Variants in GOLGA6L2 observed in about 807,000 individuals in gnomAD.
GOLGA6L2 encodes golgin A6 family like 2, also known as golgin subfamily A member 6-like protein 2.
GOLGA6L2 carries 30 observed loss-of-function variants against 35.9 expected under a neutral mutation model. That is an observed-to-expected ratio of 0.83 (90% CI 0.62 to 1.13). The LOEUF is 1.13. GOLGA6L2 is among the 50% of genes most tolerant of loss of function. The pLI, the probability that GOLGA6L2 is intolerant of heterozygous loss-of-function variation, is 0.00. For synonymous variants in GOLGA6L2, 297 were observed against 344.0 expected (o/e 0.86, Z 1.51); for missense variants, 821 against 973.4 (o/e 0.84, Z 2.08).
At position 23,441,421 on chromosome 15, in the gene GOLGA6L2, C is replaced by G; in HGVS notation, c.1054G>C (p.Glu352Gln). The G allele has an allele frequency of 7.0e-7, 1 of 1,425,812 alleles. No individual in the cohort carries two copies. Among genetic ancestry groups the G allele is most frequent in the African/African-American group, 1.5e-5 (1 of 68,892 alleles). 88.3% of individuals were successfully genotyped at this position (1,425,812 alleles called of 1,614,324 possible). ...TGCTCCCACATCTTCTCCTCCTGCT[C>G]CTGCATCTGCTCCTCCTGCTCCCGC... is the stretch of plus-strand genomic sequence containing the variant. ...KLREQEEQMQ[E>Q]QEEKMWEQEE... The change falls in exon 8 of 8, where the codon GAG becomes CAG. Residue 352 changes from glutamate (E) to glutamine (Q), a missense_variant. Transcript: ENST00000567107.
In GOLGA6L2 at chr15:23,439,588, G is replaced by A. The variant is rs2070623964; in HGVS notation, c.*157C>T. The A allele has an allele frequency of 6.5e-7, 1 of 1,535,572 alleles. No individual in the cohort carries two copies. The highest frequency in any genetic ancestry group is 1.2e-5 in the South Asian group (1 of 83,920). ...TCTTTCTCTTGTCTCCTCGGTAGAA[G>A]AATGGGATGCAGGAGGTACTGCCTA... is the stretch of plus-strand genomic sequence containing the variant. On this transcript the variant is annotated 3_prime_UTR_variant, in exon 8 of 8. Coordinates refer to ENST00000567107, the MANE Select transcript of GOLGA6L2 (RefSeq NM_001304388.2).
At chr15:23,442,726 AGGCT>A (rs1161639215) in intron 5 of GOLGA6L2, among the ~76,000 whole-genome samples, 1 of 150,900 alleles carries the variant, frequency 6.6e-6, no homozygotes, top group Non-Finnish European at 1.5e-5. Context: ...CTTGTTGCCC[AGGCT>A]GGAGTGCAAT....
intron 1 of GOLGA6L2, among the ~76,000 whole-genome samples, chr15:23,446,011 C>T (rs1886775896): frequency 6.6e-6 from 1 of 152,132 alleles, no homozygotes; most frequent in Non-Finnish European, 1.5e-5. Flanking sequence ...AAAGATGCCC[C>T]ATATGTATCC....
chr15:23,444,407 G>A (rs1886731032), intron 3 of GOLGA6L2, 64 bp downstream of exon 3: 1 of 1,550,214 alleles, frequency 6.5e-7, no homozygotes. Flanking sequence ...AGATGAGACG[G>A]GCCTCTACAT....
At chr15:23,445,706 T>C (rs184836481) in intron 1 of GOLGA6L2, among the ~76,000 whole-genome samples, 1 of 152,168 alleles carries the variant, frequency 6.6e-6, no homozygotes, top group Non-Finnish European at 1.5e-5. Context: ...GAGGCAGAGG[T>C]AGAAAAGTAA....
rs1441133574 is a variant in GOLGA6L2, at chr15:23,439,778, T to C, written c.2697A>G (p.Arg899=). 1 of 1,535,626 alleles carries C rather than the reference T, an allele frequency of 6.5e-7. No individual in the cohort carries two copies. The highest frequency in any genetic ancestry group is 1.2e-5 in the South Asian group (1 of 83,978). Residue 899 remains arginine, a synonymous_variant, in exon 8 of 8, where the codon AGA becomes AGG. Coordinates refer to ENST00000567107, the MANE Select transcript of GOLGA6L2 (RefSeq NM_001304388.2). ...EAARARGAVL[R]ALPPSLQSSL ...AACTTTGGAGGGAGGGAGGCAGGGC[T>C]CTGAGCACCGCTCCTCGTGCTCTGG...
In GOLGA6L2 at chr15:23,439,617, C is replaced by G; in HGVS notation, c.*128G>C. 7 of 1,536,196 alleles carry G rather than the reference C, an allele frequency of 4.6e-6. No individual in the cohort carries two copies. The highest frequency in any genetic ancestry group is 6.1e-6 in the Non-Finnish European group (7 of 1,146,840). Reference sequence around the variant, plus strand: ...GGGATGCAGGAGGTACTGCCTAATCCTGGGCACTGCTGGGCGTTCTTCATC... The same window carrying G: ...GGGATGCAGGAGGTACTGCCTAATCGTGGGCACTGCTGGGCGTTCTTCATC... On this transcript the variant is annotated 3_prime_UTR_variant, in exon 8 of 8. Coordinates refer to ENST00000567107, the MANE Select transcript of GOLGA6L2 (RefSeq NM_001304388.2).
intron 2 of GOLGA6L2, 33 bp from the exon 3 acceptor site, chr15:23,444,533 G>T: frequency 1.9e-6 from 3 of 1,596,352 alleles, no homozygotes; most frequent in Non-Finnish European, 2.5e-6. Context: ...GTGACTGAGG[G>T]TGGCCCCCTG....
Position 23,439,577 on chromosome 15 carries a change from C to T in GOLGA6L2, c.*168G>A, listed in dbSNP as rs781311598. 56 of 1,533,808 alleles carry T rather than the reference C, an allele frequency of 3.7e-5. 2 individuals carry two copies. In the South Asian group the frequency reaches 6.4e-4, roughly 18 times the overall value. On this transcript the variant is annotated 3_prime_UTR_variant, in exon 8 of 8. Coordinates refer to ENST00000567107, the MANE Select transcript of GOLGA6L2 (RefSeq NM_001304388.2). Reference sequence around the variant, plus strand: ...GATGATCTTCATCTTTCTCTTGTCTCCTCGGTAGAAGAATGGGATGCAGGA... The same window carrying T: ...GATGATCTTCATCTTTCTCTTGTCTTCTCGGTAGAAGAATGGGATGCAGGA...
rs538510637 is a variant in GOLGA6L2 at position 23,443,762 on chromosome 15, G to A, written c.591+15C>T. The A allele has an allele frequency of 2.6e-6, 4 of 1,529,594 alleles. No individual in the cohort carries two copies. Among genetic ancestry groups the A allele is most frequent in the Non-Finnish European group, 3.5e-6 (4 of 1,140,912 alleles). The allele number at this position is 1,529,594 out of a possible 1,614,324, so 94.8% of individuals were successfully genotyped here. A position where few individuals can be genotyped will look rare whatever the true frequency, so the allele number is the denominator to read the frequency against. ...AGCTGGGATCCCAGGAGACTGGGGAGGTGATTGGACTTACCCTGTCTGCCT... is the reference window on the plus strand; with the variant it reads ...AGCTGGGATCCCAGGAGACTGGGGAAGTGATTGGACTTACCCTGTCTGCCT... On this transcript the variant is annotated intron_variant, in intron 5 of 7. Coordinates refer to ENST00000567107, the MANE Select transcript of GOLGA6L2 (RefSeq NM_001304388.2).
chr15:23,442,671 CT>C (rs72495057), intron 5 of GOLGA6L2, among the ~76,000 whole-genome samples, 163 bp from the exon 6 acceptor site: 121,903 of 150,606 alleles, frequency 0.81, 50,048 homozygotes, highest in Middle Eastern at 0.89. Context: ...ATTTTTTTTT[CT>C]TTTTTTTTTT....
chr15:23,446,054 G>A (rs193181009), intron 1 of GOLGA6L2, among the ~76,000 whole-genome samples: 97 of 152,308 alleles, frequency 6.4e-4, no homozygotes, highest in Non-Finnish European at 1.0e-3. Flanking sequence ...GTTGAGATGC[G>A]ATGAGGAAGA....
At position 23,447,126 on chromosome 15, in the gene GOLGA6L2, T is replaced by A. The variant is rs748560900; in HGVS notation, c.56A>T (p.Gln19Leu). Residue 19 changes from glutamine (Q) to leucine (L), a missense_variant, in exon 1 of 8, where the codon CAG becomes CTG. Physicochemically the swap from Gln to Leu is moderately radical, Grantham distance 113. This residue lies in a region of GOLGA6L2 where 48 missense variants were observed against 31.7 expected (regional missense o/e 1.51). Transcript: ENST00000567107. ...TTTCTTGGCCTCAGCCAATTTGTTCTGTCTGGTTTTTTCTGACATCATGGG... is the reference window on the plus strand; with the variant it reads ...TTTCTTGGCCTCAGCCAATTTGTTCAGTCTGGTTTTTTCTGACATCATGGG... ...PHPMMSEKTR[Q>L]NKLAEAKKKF... is the part of the protein sequence containing the mutation. The A allele has an allele frequency of 1.0e-5, 16 of 1,554,532 alleles. No individual in the cohort carries two copies. The highest frequency in any genetic ancestry group is 1.3e-5 in the Non-Finnish European group (15 of 1,144,700).
chr15:23,443,860 G>C lies in GOLGA6L2; in HGVS notation c.508C>G (p.Arg170Gly). 7 of 1,541,026 alleles carry C rather than the reference G, an allele frequency of 4.5e-6. No homozygotes were observed. Among genetic ancestry groups the C allele is most frequent in the Non-Finnish European group, 5.2e-6 (6 of 1,149,708 alleles). The change falls in exon 5 of 8, where the codon CGC (arginine) becomes GGC (glycine). Residue 170 changes from arginine (R) to glycine (G), a missense_variant. Physicochemically the swap from Arg to Gly is moderately radical, Grantham distance 125. Coordinates refer to ENST00000567107, the MANE Select transcript of GOLGA6L2 (RefSeq NM_001304388.2). ...IPGESKDLAG[R>G]LHHSWHFAGE... is the part of the protein sequence containing the mutation. ...GCAAAGTGCCAGGAATGATGCAAGCGGCCGGCGAGATCCTTGGACTCTCCT... is the reference window on the plus strand; with the variant it reads ...GCAAAGTGCCAGGAATGATGCAAGCCGCCGGCGAGATCCTTGGACTCTCCT...
rs892672508 is a variant in GOLGA6L2 at position 23,441,693 on chromosome 15, A to G, written c.793-11T>C. 2 of 1,481,338 alleles carry G rather than the reference A, an allele frequency of 1.4e-6. No homozygotes were observed. Among genetic ancestry groups the G allele is most frequent in the African/African-American group, 2.8e-5 (2 of 70,440 alleles). 91.8% of individuals were successfully genotyped at this position (1,481,338 alleles called of 1,614,324 possible). A position where few individuals can be genotyped will look rare whatever the true frequency, so the allele number is the denominator to read the frequency against. ...AGTGTTGGTTTGAACCTCAAAAGGA[A>G]ATAGACTTATGAACTAGCTATATAA... On this transcript the variant is annotated splice_polypyrimidine_tract_variant and intron_variant, in intron 7 of 7. Coordinates refer to ENST00000567107, the MANE Select transcript of GOLGA6L2 (RefSeq NM_001304388.2).
Position 23,439,687 on chromosome 15 carries a change from C to T in GOLGA6L2, c.*58G>A, listed in dbSNP as rs956739814. The T allele has an allele frequency of 1.3e-5, 20 of 1,537,316 alleles. No homozygotes were observed. The highest frequency in any genetic ancestry group is 1.7e-4 in the Middle Eastern group (1 of 5,992). ...TCTCCTGTGCAGTGGGGTTGTCCTGCGGAGAACCCTCCCCAGCCTCTCCTC... is the reference window on the plus strand; with the variant it reads ...TCTCCTGTGCAGTGGGGTTGTCCTGTGGAGAACCCTCCCCAGCCTCTCCTC... On this transcript the variant is annotated 3_prime_UTR_variant, in exon 8 of 8. Transcript: ENST00000567107.
chr15:23,443,264 C>G (rs574277959), intron 5 of GOLGA6L2, among the ~76,000 whole-genome samples: 1 of 152,138 alleles, frequency 6.6e-6, no homozygotes, highest in Admixed American at 6.5e-5. Context: ...TTGGCATAGT[C>G]CAAAACTCAG....
Position 23,441,388 on chromosome 15 carries a change from TCTC to T in GOLGA6L2, c.1084_1086del (p.Glu362del). The T allele has an allele frequency of 1.3e-6, 2 of 1,537,280 alleles. No individual in the cohort carries two copies. The highest frequency in any genetic ancestry group is 2.5e-5 in the East Asian group (1 of 40,128). On this transcript the variant is annotated inframe_deletion, in exon 8 of 8. Transcript: ENST00000567107. ...ATCTTCTCTTCCTGCTCCCGCATCT[TCTC>T]CTCCTGCTCCCACATCTTCTCCTCC...
rs1290493523 is a variant in GOLGA6L2, at chr15:23,441,478, G to T, written c.997C>A (p.Gln333Lys). 2 of 1,400,260 alleles carry T rather than the reference G, an allele frequency of 1.4e-6. No individual in the cohort carries two copies. Among genetic ancestry groups the T allele is most frequent in the African/African-American group, 1.5e-5 (1 of 68,024 alleles). 86.7% of individuals were successfully genotyped at this position (1,400,260 alleles called of 1,614,324 possible). The stretch of plus-strand genomic sequence containing the variant: ...TTCTGCTCCCGCAGCTCCTTCTCCT[G>T]CTCCCGCAGCTCCTTCTCCTGCTCT... The part of the protein sequence containing the change: ...LREQEKELRE[Q>K]EKELREQKKL... Residue 333 changes from glutamine (Q) to lysine (K), a missense_variant, in exon 8 of 8, where the codon CAG (glutamine) becomes AAG (lysine). Physicochemically the swap from Gln to Lys is moderately conservative, Grantham distance 53. Transcript: ENST00000567107.
Sources: gnomAD v4.1 joint callset for allele counts (sites outside exome capture counted in the v4.1 genomes callset) on GRCh38, gnomAD v4.1.1 for gene constraint, gnomAD v4.1.1 regional missense constraint, MANE v1.5 for transcripts, NCBI Gene and HGNC (gene_info 2026-07-23, HGNC 2026-07-21) for gene names.